Variants in NAV1 observed in about 807,000 individuals in gnomAD.
NAV1 encodes pore membrane and/or filament interacting like protein 3.
NAV1 carries 18 observed loss-of-function variants against 175.2 expected under a neutral mutation model. The observed-to-expected ratio is 0.10, with a 90% CI of 0.07 to 0.15. NAV1 has a LOEUF of 0.15. Among genes scored for constraint, NAV1 ranks in the 10% least tolerant of loss-of-function variants. NAV1 has a pLI of 1.00. For synonymous variants in NAV1, 897 were observed against 978.7 expected (o/e 0.92, Z 1.56); for missense variants, 1,731 against 2,436.6 (o/e 0.71, Z 6.10).
chr1:201,642,600 TTTCCTTCCACC>T (rs1319573023), intron 2 of NAV1, among the ~76,000 whole-genome samples: 1 of 144,806 alleles, frequency 6.9e-6, no homozygotes, highest in Admixed American at 7.0e-5. Context: ...TCCTTCCTCC[TTTCCTTCCACC>T]TTCCTTCCCT....
intron 1 of NAV1, among the ~76,000 whole-genome samples, chr1:201,665,247 C>T (rs1196274283): frequency 1.3e-5 from 2 of 151,900 alleles, no homozygotes; most frequent in East Asian, 3.9e-4. Flanking sequence ...TCTCCGTTGC[C>T]TCGGCCACTC....
At chr1:201,819,629 C>A (rs555906263) in intron 29 of NAV1, among the ~76,000 whole-genome samples, 1 of 152,036 alleles carries the variant, frequency 6.6e-6, no homozygotes, top group Non-Finnish European at 1.5e-5. Context: ...TGCCACCACG[C>A]CTGGCCAGTT....
At chr1:201,747,450 T>C (rs1022769503) in intron 3 of NAV1, among the ~76,000 whole-genome samples, 13 of 152,230 alleles carry the variant, frequency 8.5e-5, no homozygotes, top group Non-Finnish European at 1.9e-4. Context: ...GGTGGAATTG[T>C]GGCTCAAAGG....
chr1:201,732,616 C>A (rs1672909322), intron 3 of NAV1, among the ~76,000 whole-genome samples: 1 of 152,240 alleles, frequency 6.6e-6, no homozygotes, highest in Admixed American at 6.5e-5. Flanking sequence ...TACCTATGTG[C>A]ATTACTTAGC....
Position 201,753,691 on chromosome 1 carries a change from CA to C in NAV1, c.1227-26729del, listed in dbSNP as rs1180031955. ...TCATGAGAGGTCAAACGATTTTACA[CA>C]CAAACAATTCCACAGCACATTCTGC... On this transcript the variant is annotated intron_variant, in intron 3 of 29. Transcript: ENST00000367296. Among the ~76,000 whole-genome samples the C allele has an allele frequency of 6.6e-5, 10 of 152,318 alleles. No homozygotes were observed. In the East Asian group the frequency reaches 1.9e-3, roughly 29 times the overall value.
At chr1:201,622,741 C>G (rs1299976797), upstream of NAV1, 1 of 784,344 alleles carries the variant, frequency 1.3e-6, no homozygotes, top group Non-Finnish European at 1.5e-6. Flanking sequence ...TGCCAGTGCC[C>G]AGTCTGGGTG....
At chr1:201,752,830 G>C (rs548411579) in intron 3 of NAV1, among the ~76,000 whole-genome samples, 16 of 152,160 alleles carry the variant, frequency 1.1e-4, no homozygotes, top group Non-Finnish European at 2.2e-4. Flanking sequence ...TCCATGGTGT[G>C]AGGAAACTGT....
upstream of NAV1, among the ~76,000 whole-genome samples, chr1:201,619,591 G>A (rs573193602): frequency 1.2e-4 from 19 of 152,284 alleles, no homozygotes; most frequent in Non-Finnish European, 2.1e-4. Flanking sequence ...TACACTTTCC[G>A]AGTTTCCTTT....
chr1:201,575,313 C>T (rs900161006), intron 1 of NAV1, among the ~76,000 whole-genome samples: 3 of 152,146 alleles, frequency 2.0e-5, no homozygotes, highest in Non-Finnish European at 2.9e-5. Flanking sequence ...ACCCTTCTTG[C>T]CCTTCTTTCT....
chr1:201,621,332 C>CTTTTTTTTTT (rs11422175), upstream of NAV1, among the ~76,000 whole-genome samples: 15 of 118,892 alleles, frequency 1.3e-4, no homozygotes, highest in South Asian at 2.8e-4. Flanking sequence ...TCTTTTCTTT[C>CTTTTTTTTTT]TTTTTTTTTT....
chr1:201,614,425 C>T (rs1461122192), intron 2 of NAV1, among the ~76,000 whole-genome samples: 1 of 152,200 alleles, frequency 6.6e-6, no homozygotes, highest in Admixed American at 6.5e-5. Flanking sequence ...GAGAGCGGGG[C>T]CAGGAACTTG....
intron 3 of NAV1, among the ~76,000 whole-genome samples, chr1:201,729,874 C>T (rs1306414739): frequency 1.3e-5 from 2 of 152,162 alleles, no homozygotes; most frequent in East Asian, 1.9e-4. Flanking sequence ...CCACTGCGCT[C>T]CAGCCTGGGC....
At chr1:201,608,362 C>G (rs1667749203) in intron 2 of NAV1, among the ~76,000 whole-genome samples, 3 of 152,110 alleles carry the variant, frequency 2.0e-5, no homozygotes, top group Non-Finnish European at 4.4e-5. Context: ...GTTTCTGATC[C>G]AAGTCTGCGA....
At chr1:201,676,656 A>C (rs1670264682) in intron 1 of NAV1, among the ~76,000 whole-genome samples, 1 of 152,226 alleles carries the variant, frequency 6.6e-6, no homozygotes, top group Non-Finnish European at 1.5e-5. Context: ...TGCTTTTAAA[A>C]GGTGAACACA....
intron 15 of NAV1, chr1:201,796,655 TACTG>T (rs1677472536): frequency 6.6e-6 from 1 of 152,212 alleles, no homozygotes; most frequent in Non-Finnish European, 1.5e-5. Context: ...TGCTAACACT[TACTG>T]ACCTCTTTTT....
At chr1:201,553,874 AGTTT>A (rs1403749398) in intron 1 of NAV1, among the ~76,000 whole-genome samples, 1 of 152,188 alleles carries the variant, frequency 6.6e-6, no homozygotes, top group African/African-American at 2.4e-5. Context: ...AATGTGCCAC[AGTTT>A]GTTTATGGGA....
At position 201,770,810 on chromosome 1, in the gene NAV1, G is replaced by T. The variant is rs555742000; in HGVS notation, c.1227-9611G>T. Among the ~76,000 whole-genome samples, 6 of 152,262 alleles carry T rather than the reference G, an allele frequency of 3.9e-5. No homozygotes were observed. In the South Asian group the frequency reaches 1.2e-3, roughly 32 times the overall value. On this transcript the variant is annotated intron_variant, in intron 3 of 29. Transcript: ENST00000367296. ...AAATCGTTCTCATGAGGGCTTCACT[G>T]AGTACACAGTGGCAGCAAGCTGATG...
chr1:201,581,487 G>T (rs544127), intron 1 of NAV1, among the ~76,000 whole-genome samples: 7,722 of 152,164 alleles, frequency 0.051, 465 homozygotes, highest in East Asian at 0.16. Flanking sequence ...AGAAGTTAAG[G>T]CCAGAGAGAG....
intron 15 of NAV1, among the ~76,000 whole-genome samples, chr1:201,801,727 T>C (rs1677878748): frequency 6.6e-6 from 1 of 152,212 alleles, no homozygotes; most frequent in Admixed American, 6.5e-5. Context: ...CAACTTCCTA[T>C]GAATCTATAA....
Sources: gnomAD v4.1 joint callset for allele counts (sites outside exome capture counted in the v4.1 genomes callset) on GRCh38, gnomAD v4.1.1 for gene constraint, MANE v1.5 for transcripts, NCBI Gene and HGNC (gene_info 2026-07-23, HGNC 2026-07-21) for gene names.